ZNF521: variants seen among roughly 807,000 people sequenced by gnomAD.
The protein encoded by ZNF521 is LYST-interacting protein 3.
A neutral mutation model predicts 105.5 loss-of-function variants in ZNF521; 14 were observed. The observed-to-expected ratio is 0.13, with a 90% CI of 0.09 to 0.21. The LOEUF is 0.21. Among genes scored for constraint, ZNF521 ranks in the 10% least tolerant of loss-of-function variants. The probability of loss-of-function intolerance (pLI) is 1.00; values close to 1 mark genes in which losing one functional copy is unlikely to be tolerated. For synonymous variants in ZNF521, 635 were observed against 606.0 expected (o/e 1.05, Z -0.70); for missense variants, 1,233 against 1,629.7 (o/e 0.76, Z 4.19).
At chr18:25,294,211 A>G (rs1911193569) in intron 3 of ZNF521, among the ~76,000 whole-genome samples, 1 of 152,284 alleles carries the variant, frequency 6.6e-6, no homozygotes, top group Admixed American at 6.5e-5. Context: ...AAGCAATAAA[A>G]ATTTCTTCAT....
At chr18:25,306,872 G>T (rs924863243) in intron 3 of ZNF521, among the ~76,000 whole-genome samples, 5 of 146,248 alleles carry the variant, frequency 3.4e-5, no homozygotes, top group African/African-American at 1.3e-4. Context: ...AAAAAAGTAT[G>T]TAAGTGGCCT....
chr18:25,228,044 T>C (rs1017624652), intron 3 of ZNF521, among the ~76,000 whole-genome samples: 1 of 152,230 alleles, frequency 6.6e-6, no homozygotes, highest in Non-Finnish European at 1.5e-5. Flanking sequence ...GTTTCTTTTG[T>C]ATTCCTTCTA....
At position 25,119,769 on chromosome 18, in the gene ZNF521, C is replaced by A. The variant is rs113297478; in HGVS notation, c.3659-27688G>T. 4.6e-5 allele frequency among the ~76,000 whole-genome samples: 7 copies of A among 150,646 alleles called. 1 individual carries two copies. Among genetic ancestry groups the A allele is most frequent in the African/African-American group, 1.7e-4 (7 of 41,016 alleles). On this transcript the variant is annotated intron_variant, in intron 5 of 7. Coordinates refer to ENST00000361524, the MANE Select transcript of ZNF521 (RefSeq NM_015461.3). ...ATGACTTAAGTTTTACCTTAAGAAG[C>A]TAGAAAAAGAAGGGTAAATTAAACG...
intron 4 of ZNF521, among the ~76,000 whole-genome samples, chr18:25,223,307 C>T (rs1905858338): frequency 1.3e-5 from 2 of 152,172 alleles, no homozygotes; most frequent in Admixed American, 1.3e-4. Flanking sequence ...CACACAGATG[C>T]CACATTTTGT....
intron 2 of ZNF521, among the ~76,000 whole-genome samples, chr18:25,340,624 C>CA (rs1401703288): frequency 6.6e-6 from 1 of 152,180 alleles, no homozygotes; most frequent in Non-Finnish European, 1.5e-5. Context: ...AATTTCTCAA[C>CA]ATAAGAATTC....
chr18:25,325,639 A>G (rs1913174505), intron 2 of ZNF521, among the ~76,000 whole-genome samples: 1 of 152,120 alleles, frequency 6.6e-6, no homozygotes, highest in African/African-American at 2.4e-5. Context: ...ACCCTAAATG[A>G]TGCTGCGCAA....
chr18:25,351,097 C>G, intron 1 of ZNF521, 150 bp from the exon 2 acceptor site: 1 of 335,752 alleles, frequency 3.0e-6, no homozygotes, highest in Non-Finnish European at 4.3e-6. Flanking sequence ...CGCTCCGGCT[C>G]CGGCTCGCGC....
At chr18:25,332,750 G>T (rs558199066) in intron 2 of ZNF521, among the ~76,000 whole-genome samples, 1 of 152,118 alleles carries the variant, frequency 6.6e-6, no homozygotes, top group Non-Finnish European at 1.5e-5. Flanking sequence ...CTCTCCAAAA[G>T]CCAGGTTTTA....
rs549262963 is a variant in ZNF521, at chr18:25,094,935, T to C, written c.3659-2854A>G. ...TTTTAATTGAGGGCAGCACAGGTAG[T>C]AAAAGAAAATGAAACTTATTTATAG... On this transcript the variant is annotated intron_variant, in intron 5 of 7. Coordinates refer to ENST00000361524, the MANE Select transcript of ZNF521 (RefSeq NM_015461.3). Among the ~76,000 whole-genome samples the C allele has an allele frequency of 5.3e-5, 8 of 152,276 alleles. 1 individual carries two copies. The South Asian group carries it at 1.5e-3, about 28-fold the overall frequency.
intron 5 of ZNF521, among the ~76,000 whole-genome samples, chr18:25,125,073 G>A (rs943020387): frequency 2.6e-5 from 4 of 152,078 alleles, no homozygotes; most frequent in South Asian, 2.1e-4. Flanking sequence ...ACCTCAAAGA[G>A]TATGCATGGA....
At chr18:25,133,920 T>C (rs965177753) in intron 5 of ZNF521, among the ~76,000 whole-genome samples, 5 of 152,146 alleles carry the variant, frequency 3.3e-5, no homozygotes, top group East Asian at 1.9e-4. Flanking sequence ...GTTTAATCCA[T>C]AGCAGACATA....
chr18:25,106,652 AT>A (rs2034079685), intron 5 of ZNF521, among the ~76,000 whole-genome samples: 1 of 152,170 alleles, frequency 6.6e-6, no homozygotes, highest in Non-Finnish European at 1.5e-5. Context: ...CAGGTCACGA[AT>A]GCAATTAAGC....
intron 3 of ZNF521, among the ~76,000 whole-genome samples, chr18:25,277,040 G>A (rs567365639): frequency 1.3e-5 from 2 of 152,108 alleles, no homozygotes; most frequent in Non-Finnish European, 2.9e-5. Flanking sequence ...AAAATTAGCC[G>A]AGTGTGGTGG....
intron 4 of ZNF521, among the ~76,000 whole-genome samples, chr18:25,219,705 T>TA (rs922524683): frequency 8.9e-4 from 135 of 152,178 alleles, no homozygotes; most frequent in African/African-American, 3.2e-3. Context: ...TAGTCTCAGC[T>TA]ACCCAGGAGG....
chr18:25,341,582 C>T (rs960317383), intron 2 of ZNF521, among the ~76,000 whole-genome samples: 10 of 152,172 alleles, frequency 6.6e-5, no homozygotes, highest in Non-Finnish European at 1.2e-4. Flanking sequence ...TTAGTTGTTT[C>T]AGTTCAAGTG....
chr18:25,226,662 G>A lies in ZNF521; in HGVS notation c.1256C>T (p.Ala419Val), dbSNP rs116099337. 11 of 1,614,192 alleles carry A rather than the reference G, an allele frequency of 6.8e-6. No homozygotes were observed. Among genetic ancestry groups the A allele is most frequent in the Admixed American group, 5.0e-5 (3 of 60,022 alleles). Residue 419 changes from alanine (A) to valine (V), a missense_variant, in exon 4 of 8, where the codon GCA becomes GTA. Coordinates refer to ENST00000361524, the MANE Select transcript of ZNF521 (RefSeq NM_015461.3). This position sits in a 1 kb window ranked among gnomAD's most constrained non-coding sequence, Gnocchi z 4.1. Reference protein sequence around the residue: ...YCNKQLFSSLAVLQIHLKTMH... With the variant: ...YCNKQLFSSLVVLQIHLKTMH... Reference sequence around the variant, plus strand: ...AGTTTTCAGGTGAATCTGCAGAACTGCAAGACTTGAAAATAATTGTTTGTT... The same window carrying A: ...AGTTTTCAGGTGAATCTGCAGAACTACAAGACTTGAAAATAATTGTTTGTT...
intron 4 of ZNF521, among the ~76,000 whole-genome samples, chr18:25,215,937 A>G (rs1276563724): frequency 2.0e-5 from 3 of 152,214 alleles, no homozygotes; most frequent in Admixed American, 6.5e-5. Context: ...GACTTGGCAG[A>G]GCAATTCACT....
chr18:25,297,541 T>C (rs1208241804), intron 3 of ZNF521, among the ~76,000 whole-genome samples: 1 of 152,122 alleles, frequency 6.6e-6, no homozygotes, highest in Non-Finnish European at 1.5e-5. Flanking sequence ...AGAAAATGAA[T>C]GCGAATACCA....
At chr18:25,350,853 C>T in intron 2 of ZNF521, 54 bp downstream of exon 2, 2 of 1,539,508 alleles carry the variant, frequency 1.3e-6, no homozygotes, top group Non-Finnish European at 1.8e-6. Context: ...GCTCCGCTAC[C>T]CACAGTGACA....
Sources: gnomAD v4.1 joint callset for allele counts (sites outside exome capture counted in the v4.1 genomes callset) on GRCh38, gnomAD v4.1.1 for gene constraint, Gnocchi (gnomAD v3.1) non-coding constraint, MANE v1.5 for transcripts, NCBI Gene and HGNC (gene_info 2026-07-23, HGNC 2026-07-21) for gene names.